The following RGS6 variants were observed in gnomAD, a reference collection of about 807,000 sequenced individuals.
RGS6 encodes regulator of G-protein signaling 6.
Under a neutral mutation model 78.5 loss-of-function variants are expected in RGS6, and 30 were observed. The ratio of observed to expected loss-of-function variants is 0.38; its 90% confidence interval spans 0.29 to 0.52. The LOEUF is 0.52. Ranked by LOEUF, RGS6 falls within the 20% of genes least tolerant of loss-of-function variation. The pLI, the probability that RGS6 is intolerant of heterozygous loss-of-function variation, is 0.85. For synonymous variants in RGS6, 206 were observed against 206.0 expected (o/e 1.00, Z 0.00); for missense variants, 495 against 609.7 (o/e 0.81, Z 1.98).
At chr14:72,216,039 A>C (rs115210634) in intron 2 of RGS6, among the ~76,000 whole-genome samples, 55 of 152,326 alleles carry the variant, frequency 3.6e-4, no homozygotes, top group African/African-American at 1.3e-3. Context: ...CTAAATACTT[A>C]AATAGTATTA....
At chr14:72,354,777 G>C (rs1041020427) in intron 3 of RGS6, among the ~76,000 whole-genome samples, 1 of 152,140 alleles carries the variant, frequency 6.6e-6, no homozygotes, top group African/African-American at 2.4e-5. Flanking sequence ...ATTTGGAGGA[G>C]ACACGTTCAG....
At chr14:72,028,461 A>C (rs974103778) in intron 2 of RGS6, among the ~76,000 whole-genome samples, 6 of 152,236 alleles carry the variant, frequency 3.9e-5, no homozygotes, top group Non-Finnish European at 8.8e-5. Context: ...GAATTTATTT[A>C]AACATACTAA....
At chr14:72,576,079 A>G in the RGS6 span, among the ~76,000 whole-genome samples, 1 of 152,232 alleles carries the variant, frequency 6.6e-6, no homozygotes, top group Admixed American at 6.5e-5. Flanking sequence ...ACCCTTCCAT[A>G]GATTCTAGGT....
rs1350940158 is a variant in RGS6 at position 72,540,086 on chromosome 14, C to T, written c.1414C>T (p.Arg472Cys). Residue 472 changes from arginine (R) to cysteine (C), a missense_variant, in exon 17 of 18, where the codon CGC (arginine) becomes TGC (cysteine). Transcript: ENST00000553525. ...GRRTSLEKFT[R>C]SVGKSLAGKR... ...TAGAACTTCCCTAGAAAAGTTCACT[C>T]GCAGTGTGGTAAGTTCAGTCGGTTT... 5.0e-6 allele frequency: 8 copies of T among 1,589,050 alleles called. No individual in the cohort carries two copies. The highest frequency in any genetic ancestry group is 1.4e-5 in the African/African-American group (1 of 73,934).
chr14:71,982,946 G>T (rs2153137451), intron 2 of RGS6, among the ~76,000 whole-genome samples: 1 of 152,306 alleles, frequency 6.6e-6, no homozygotes, highest in African/African-American at 2.4e-5. Flanking sequence ...ATCTTTTATA[G>T]CCTTGGTTTG....
At chr14:72,430,877 T>C (rs1353689867) in intron 3 of RGS6, among the ~76,000 whole-genome samples, 1 of 152,178 alleles carries the variant, frequency 6.6e-6, no homozygotes, top group Non-Finnish European at 1.5e-5. Flanking sequence ...GTGTCTGTGG[T>C]CTGCAGGGCC....
chr14:72,181,984 A>AT (rs2097178760), intron 2 of RGS6, among the ~76,000 whole-genome samples: 1 of 152,212 alleles, frequency 6.6e-6, no homozygotes, highest in African/African-American at 2.4e-5. Context: ...CATTACTTAG[A>AT]TTTGTTGCTG....
At chr14:72,267,992 T>C (rs1294712872) in intron 2 of RGS6, among the ~76,000 whole-genome samples, 2 of 152,240 alleles carry the variant, frequency 1.3e-5, no homozygotes, top group Admixed American at 6.5e-5. Flanking sequence ...TGTGGGTACA[T>C]GCATTTCCCT....
the RGS6 span, among the ~76,000 whole-genome samples, chr14:71,886,012 T>G: frequency 6.7e-6 from 1 of 148,858 alleles, no homozygotes; most frequent in South Asian, 2.3e-4. Context: ...TTCCCTTTCC[T>G]TCTCTCCCTT....
At chr14:72,414,578 C>T (rs186737340) in intron 3 of RGS6, among the ~76,000 whole-genome samples, 78 of 152,352 alleles carry the variant, frequency 5.1e-4, no homozygotes, top group Middle Eastern at 3.4e-3. Flanking sequence ...AGTCATTCTC[C>T]GTCCAGCTGT....
chr14:72,017,664 T>C lies in RGS6; in HGVS notation c.84+52789T>C, dbSNP rs376782841. ...TTGAACAGAGGCAGTGATAGTAACC[T>C]TTCTTGTCTCATCCCTGGCTTTAAA... On this transcript the variant is annotated intron_variant, in intron 2 of 17. Coordinates refer to ENST00000553525, the MANE Select transcript of RGS6 (RefSeq NM_001204424.2). 3.3e-5 allele frequency among the ~76,000 whole-genome samples: 5 copies of C among 152,356 alleles called. No homozygotes were observed. In the East Asian group the frequency reaches 7.7e-4, roughly 24 times the overall value.
chr14:72,629,195 T>C, the RGS6 span, among the ~76,000 whole-genome samples: 1 of 152,220 alleles, frequency 6.6e-6, no homozygotes. Flanking sequence ...GTAAAAATGA[T>C]ATTATGACGG....
chr14:72,098,672 GT>G (rs2095463706), intron 2 of RGS6, among the ~76,000 whole-genome samples: 1 of 152,204 alleles, frequency 6.6e-6, no homozygotes, highest in African/African-American at 2.4e-5. Context: ...AAATTTGGAA[GT>G]TTTGGCAAAA....
At chr14:71,892,958 A>G in the RGS6 span, among the ~76,000 whole-genome samples, 2 of 152,384 alleles carry the variant, frequency 1.3e-5, no homozygotes, top group South Asian at 2.1e-4. Context: ...AGCCAGCTTC[A>G]TGGGACGGCA....
intron 2 of RGS6, among the ~76,000 whole-genome samples, chr14:72,238,869 G>A (rs2051932917): frequency 6.6e-6 from 1 of 152,130 alleles, no homozygotes; most frequent in African/African-American, 2.4e-5. Flanking sequence ...AACCTGTTCT[G>A]TAAACTCAAG....
Position 72,352,167 on chromosome 14 carries a change from C to G in RGS6, c.157C>G (p.Leu53Val). The change falls in exon 3 of 18, where the codon CTC becomes GTC. Residue 53 changes from leucine to valine, a missense_variant. Leu to Val is a conservative substitution (Grantham distance 32). Transcript: ENST00000553525. ...GVPIRTVKSF[L>V]SKIPSVVTGT... Reference sequence around the variant, plus strand: ...GCCCATCAGAACAGTCAAGAGCTTTCTCTCCAAAATCCCCAGTGTCGTCAC... The same window carrying G: ...GCCCATCAGAACAGTCAAGAGCTTTGTCTCCAAAATCCCCAGTGTCGTCAC... 6.2e-7 allele frequency: 1 copy of G among 1,613,268 alleles called. No individual in the cohort carries two copies. Among genetic ancestry groups the G allele is most frequent in the Non-Finnish European group, 8.5e-7 (1 of 1,179,614 alleles).
At chr14:72,175,232 G>A (rs1176307048) in intron 2 of RGS6, among the ~76,000 whole-genome samples, 1 of 152,080 alleles carries the variant, frequency 6.6e-6, no homozygotes, top group Non-Finnish European at 1.5e-5. Flanking sequence ...TTTGTCGTTT[G>A]CATACCATGT....
At chr14:72,182,662 A>G (rs546918478) in intron 2 of RGS6, among the ~76,000 whole-genome samples, 22 of 152,312 alleles carry the variant, frequency 1.4e-4, no homozygotes, top group African/African-American at 4.6e-4. Flanking sequence ...CATGAGAGCA[A>G]ATGAAAATAT....
At chr14:72,066,909 C>G (rs1402901207) in intron 2 of RGS6, among the ~76,000 whole-genome samples, 2 of 150,470 alleles carry the variant, frequency 1.3e-5, no homozygotes, top group Non-Finnish European at 2.9e-5. Context: ...ACCTCTGGGA[C>G]AGATGTATTT....
Sources: gnomAD v4.1 joint callset for allele counts (sites outside exome capture counted in the v4.1 genomes callset) on GRCh38, gnomAD v4.1.1 for gene constraint, MANE v1.5 for transcripts, NCBI Gene and HGNC (gene_info 2026-07-23, HGNC 2026-07-21) for gene names.